Variants in DNER observed in about 807,000 individuals in gnomAD.
DNER encodes delta and Notch-like epidermal growth factor-related receptor.
DNER carries 33 observed loss-of-function variants against 78.2 expected under a neutral mutation model. The observed-to-expected ratio is 0.42, with a 90% confidence interval of 0.32 to 0.56. The LOEUF is 0.56. Ranked by LOEUF, DNER falls within the 20% of genes least tolerant of loss-of-function variation. The pLI is 0.11. For synonymous variants in DNER, 417 were observed against 384.8 expected (o/e 1.08, Z -0.98); for missense variants, 918 against 975.3 (o/e 0.94, Z 0.78).
chr2:229,621,807 CG>C (rs1398856942), intron 1 of DNER, among the ~76,000 whole-genome samples: 2 of 152,140 alleles, frequency 1.3e-5, no homozygotes, highest in Non-Finnish European at 2.9e-5. Flanking sequence ...ATAAAAGGGC[CG>C]GGCGCAGTGG....
intron 1 of DNER, among the ~76,000 whole-genome samples, chr2:229,698,656 T>C (rs1405824145): frequency 6.6e-6 from 1 of 152,188 alleles, no homozygotes; most frequent in Non-Finnish European, 1.5e-5. Flanking sequence ...GAAAGGTGAC[T>C]TCCCCTTTAG....
At chr2:229,389,787 C>A (rs906848935) in intron 10 of DNER, among the ~76,000 whole-genome samples, 5 of 152,204 alleles carry the variant, frequency 3.3e-5, no homozygotes, top group Admixed American at 6.5e-5. Context: ...TGGCATCTTA[C>A]TATTTTATTT....
chr2:229,375,315 T>C (rs1692573173), intron 11 of DNER, among the ~76,000 whole-genome samples: 1 of 152,192 alleles, frequency 6.6e-6, no homozygotes, highest in African/African-American at 2.4e-5. Flanking sequence ...TACTATCCCA[T>C]TTATCAAGGC....
chr2:229,597,604 T>C (rs1457581591), intron 1 of DNER, among the ~76,000 whole-genome samples: 1 of 152,226 alleles, frequency 6.6e-6, no homozygotes, highest in Non-Finnish European at 1.5e-5. Flanking sequence ...CATGATATTT[T>C]CCGAGCTATA....
At chr2:229,671,982 G>A (rs1007905741) in intron 1 of DNER, among the ~76,000 whole-genome samples, 2 of 152,184 alleles carry the variant, frequency 1.3e-5, no homozygotes, top group African/African-American at 2.4e-5. Context: ...TTGCCAAAAT[G>A]TATCATTGAG....
At chr2:229,642,203 T>C (rs767512511) in intron 1 of DNER, among the ~76,000 whole-genome samples, 11 of 152,222 alleles carry the variant, frequency 7.2e-5, no homozygotes, top group South Asian at 2.1e-4. Context: ...AGGGGGAAAG[T>C]ACCTAAGACA....
chr2:229,455,625 G>A (rs1023922884), intron 7 of DNER, among the ~76,000 whole-genome samples: 12 of 152,106 alleles, frequency 7.9e-5, no homozygotes, highest in African/African-American at 2.9e-4. Context: ...GGGCCATGCA[G>A]TGATGCTGGT....
intron 1 of DNER, among the ~76,000 whole-genome samples, chr2:229,644,334 C>CTTTTTTTTTT (rs5839345): frequency 2.1e-5 from 2 of 97,508 alleles, no homozygotes; most frequent in African/African-American, 9.0e-5. Flanking sequence ...CTTGCTTTCT[C>CTTTTTTTTTT]TTTTTTTTTT....
chr2:229,503,625 A>G (rs1354672306), intron 6 of DNER, among the ~76,000 whole-genome samples: 2 of 152,224 alleles, frequency 1.3e-5, no homozygotes, highest in South Asian at 2.1e-4. Flanking sequence ...TGCAAACCCA[A>G]TGGCCACAGC....
intron 1 of DNER, among the ~76,000 whole-genome samples, chr2:229,594,615 A>ACAAAT (rs55836996): frequency 4.5e-3 from 28 of 6,208 alleles, no homozygotes; most frequent in Admixed American, 0.034. Flanking sequence ...AAACAAACAA[A>ACAAAT]AAAAAAAACA....
intron 8 of DNER, among the ~76,000 whole-genome samples, chr2:229,424,192 G>A (rs1427598484): frequency 1.3e-5 from 2 of 152,254 alleles, no homozygotes; most frequent in African/African-American, 2.4e-5. Context: ...AGCATCCAGT[G>A]TGGTAGCAAG....
chr2:229,479,970 T>C (rs958663593), intron 6 of DNER, among the ~76,000 whole-genome samples: 2 of 152,170 alleles, frequency 1.3e-5, no homozygotes, highest in Non-Finnish European at 2.9e-5. Flanking sequence ...CCCGGAAAGA[T>C]GTCAGAATTG....
intron 9 of DNER, 103 bp from the exon 10 acceptor site, chr2:229,407,448 T>A (rs1294359729): frequency 1.8e-5 from 18 of 979,926 alleles, no homozygotes; most frequent in Admixed American, 6.5e-5. Context: ...CGAGGGAGAT[T>A]CCCAGCGTGG....
At chr2:229,475,899 G>A (rs1338131956) in intron 7 of DNER, among the ~76,000 whole-genome samples, 1 of 152,186 alleles carries the variant, frequency 6.6e-6, no homozygotes, top group African/African-American at 2.4e-5. Context: ...ATCAGAGTTA[G>A]GTGGCGACTG....
chr2:229,707,520 G>T (rs1326726668), intron 1 of DNER, among the ~76,000 whole-genome samples: 1 of 152,070 alleles, frequency 6.6e-6, no homozygotes, highest in Non-Finnish European at 1.5e-5. Context: ...ATATGCCCTG[G>T]ATCTACTCCA....
chr2:229,431,852 A>C (rs1330802372), intron 8 of DNER, among the ~76,000 whole-genome samples: 2 of 152,196 alleles, frequency 1.3e-5, no homozygotes, highest in Non-Finnish European at 2.9e-5. Flanking sequence ...AGAGGGATGC[A>C]AATGAATCTG....
intron 6 of DNER, among the ~76,000 whole-genome samples, chr2:229,480,595 G>A (rs868177642): frequency 3.9e-5 from 6 of 152,074 alleles, no homozygotes; most frequent in Admixed American, 6.5e-5. Context: ...ATGCAAGTTC[G>A]GTAAGATTTC....
At chr2:229,388,427 C>T in intron 10 of DNER, 31 bp from the exon 11 acceptor site, 7 of 1,570,796 alleles carry the variant, frequency 4.5e-6, no homozygotes, top group Non-Finnish European at 6.1e-6. Flanking sequence ...AGTGGTGAAA[C>T]CGCTGCACCC....
At chr2:229,550,323 C>T (rs1696708702) in intron 4 of DNER, among the ~76,000 whole-genome samples, 1 of 151,840 alleles carries the variant, frequency 6.6e-6, no homozygotes, top group Non-Finnish European at 1.5e-5. Context: ...TATTGTGTAA[C>T]CAAGTTTTTT....
Sources: allele counts gnomAD v4.1 joint callset (sites outside exome capture counted in the v4.1 genomes callset), GRCh38; gene constraint gnomAD v4.1.1; transcripts MANE v1.5; gene names NCBI Gene and HGNC (gene_info 2026-07-23, HGNC 2026-07-21).